ADAMTS7: variants seen among roughly 807,000 people sequenced by gnomAD.
ADAMTS7 encodes the protein A disintegrin and metalloproteinase with thrombospondin motifs 7.
Under a neutral mutation model 172.6 loss-of-function variants are expected in ADAMTS7, and 89 were observed. The observed-to-expected ratio is 0.52, with a 90% CI of 0.43 to 0.61. ADAMTS7 has a LOEUF of 0.61. Ranked by LOEUF, ADAMTS7 falls within the 20% of genes least tolerant of loss-of-function variation. The pLI is 0.00. For missense variants in ADAMTS7, 1,973 were observed against 2,355.6 expected (o/e 0.84, Z 3.36); for synonymous variants, 885 against 978.4 (o/e 0.90, Z 1.78).
intron 7 of ADAMTS7, 71 bp from the exon 8 acceptor site, chr15:78,788,445 C>T: frequency 1.3e-6 from 2 of 1,575,500 alleles, no homozygotes; most frequent in African/African-American, 2.7e-5. Context: ...CCCCTGGACA[C>T]CCACAAGGTG....
At chr15:78,773,022 G>C in intron 14 of ADAMTS7, 61 bp downstream of exon 14, 1 of 1,449,372 alleles carries the variant, frequency 6.9e-7, no homozygotes, top group South Asian at 1.2e-5. Flanking sequence ...GCCCAGGGGA[G>C]ATGGGGAAGG....
In ADAMTS7 at chr15:78,803,616, C is replaced by T. The variant is rs114189680; in HGVS notation, c.101-3069G>A. 4.4e-3 allele frequency among the ~76,000 whole-genome samples: 675 copies of T among 152,232 alleles called. 8 individuals carry two copies. The highest frequency in any genetic ancestry group is 0.016 in the African/African-American group (650 of 41,546). On this transcript the variant is annotated intron_variant, in intron 1 of 23. Transcript: ENST00000388820. ...TACAGCTGCATGCCACCACTCCCAG[C>T]GAGTTCTTGTATTTTTAGTAGAGAC...
chr15:78,761,597 C>T (rs1304205108), intron 23 of ADAMTS7, among the ~76,000 whole-genome samples: 3 of 152,180 alleles, frequency 2.0e-5, no homozygotes, highest in Non-Finnish European at 4.4e-5. Flanking sequence ...ACATGAAGGC[C>T]CTGAGAGGGA....
In ADAMTS7 at chr15:78,776,258, C is replaced by T. The variant is rs146048392; in HGVS notation, c.1636G>A (p.Ala546Thr). ...AVDGGWSGWS[A>T]WSICSRSCGM... ...CAGCTCCGTGAGCAGATGGACCAGGCGCTCCAGCCAGACCAGCCACCATCC... is the reference window on the plus strand; with the variant it reads ...CAGCTCCGTGAGCAGATGGACCAGGTGCTCCAGCCAGACCAGCCACCATCC... Residue 546 changes from alanine to threonine, a missense_variant, in exon 11 of 24, where the codon GCC becomes ACC. By Grantham distance (58) the Ala-to-Thr change is moderately conservative (BLOSUM62 0). This residue lies in a region of ADAMTS7 where 526 missense variants were observed against 662.9 expected (regional missense o/e 0.79). Transcript: ENST00000388820. 132 of 1,611,766 alleles carry T rather than the reference C, an allele frequency of 8.2e-5. No individual in the cohort carries two copies. In the African/African-American group the frequency reaches 1.5e-3, roughly 18 times the overall value.
chr15:78,780,275 A>G (rs907382626), intron 8 of ADAMTS7, among the ~76,000 whole-genome samples: 18 of 151,992 alleles, frequency 1.2e-4, no homozygotes, highest in Admixed American at 6.5e-5. Context: ...CAGTCCCACA[A>G]GAGGTCAAAG....
At chr15:78,762,027 A>G in intron 23 of ADAMTS7, 2 of 985,406 alleles carry the variant, frequency 2.0e-6, no homozygotes, top group Non-Finnish European at 1.2e-6. Context: ...GGACTCACCC[A>G]GGCCCAGTTT....
chr15:78,765,880 A>T lies in ADAMTS7; in HGVS notation c.4031T>A (p.Leu1344His). The part of the protein sequence containing the change: ...GTFLPTTLTG[L>H]GHMPEPALNP... ...CAGGGCAGGCTCAGGCATGTGCCCG[A>T]GGCCAGTCAGGGTTGTGGGGAGGAA... Residue 1344 changes from leucine (L) to histidine (H), a missense_variant, in exon 19 of 24, where the codon CTC becomes CAC. Coordinates refer to ENST00000388820, the MANE Select transcript of ADAMTS7 (RefSeq NM_014272.5). The T allele has an allele frequency of 6.4e-7, 1 of 1,571,486 alleles. No homozygotes were observed. The highest frequency in any genetic ancestry group is 8.6e-7 in the Non-Finnish European group (1 of 1,158,706).
intron 1 of ADAMTS7, among the ~76,000 whole-genome samples, chr15:78,804,856 C>T (rs1165075198): frequency 1.3e-5 from 2 of 152,206 alleles, no homozygotes; most frequent in East Asian, 3.8e-4. Flanking sequence ...CAGGCCCCAT[C>T]CCAGACTCAC....
At position 78,796,695 on chromosome 15, in the gene ADAMTS7, G is replaced by A. The variant is rs79376890; in HGVS notation, c.714C>T (p.Val238=). Reference sequence around the variant, plus strand: ...GGGTCTCCACCCACTTCTCTTTGCTGACCGACCGCTGGTGTAGACGCCTCA... The same window carrying A: ...GGGTCTCCACCCACTTCTCTTTGCTAACCGACCGCTGGTGTAGACGCCTCA... ...PRLRRLHQRS[V]SKEKWVETLV... Residue 238 remains valine, a synonymous_variant, in exon 4 of 24, where the codon GTC becomes GTT. Coordinates refer to ENST00000388820, the MANE Select transcript of ADAMTS7 (RefSeq NM_014272.5). 5,993 of 1,613,882 alleles carry A rather than the reference G, an allele frequency of 3.7e-3. 12 individuals carry two copies. The highest frequency in any genetic ancestry group is 4.8e-3 in the Non-Finnish European group (5,605 of 1,179,996).
Position 78,811,169 on chromosome 15 carries a change from G to C in ADAMTS7, c.52C>G (p.Leu18Val), listed in dbSNP as rs1412895055. 1 of 1,230,004 alleles carries C rather than the reference G, an allele frequency of 8.1e-7. No individual in the cohort carries two copies. Among genetic ancestry groups the C allele is most frequent in the African/African-American group, 1.6e-5 (1 of 64,354 alleles). The allele number at this position is 1,230,004 out of a possible 1,614,324, so 76.2% of individuals were successfully genotyped here. ...RSPAPLLRPL[L>V]LLLCALAPGA... ...GGAGCCAGAGCGCAGAGGAGCAGGA[G>C]GAGGGGGCGCAGCAAAGGCGCGGGG... Residue 18 changes from leucine (L) to valine (V), a missense_variant, in exon 1 of 24, where the codon CTC (leucine) becomes GTC (valine). Around this residue, in one of 8 missense-constraint regions of ADAMTS7, gnomAD observed 306 missense variants for 288.0 expected, o/e 1.06. Coordinates refer to ENST00000388820, the MANE Select transcript of ADAMTS7 (RefSeq NM_014272.5).
At chr15:78,762,082 G>C (rs2055053921) in intron 23 of ADAMTS7, 1 of 985,132 alleles carries the variant, frequency 1.0e-6, no homozygotes, top group African/African-American at 1.7e-5. Context: ...TGGGAAGACT[G>C]AGACCTAGAG....
At chr15:78,787,355 AAAAAC>A (rs1166077061) in intron 8 of ADAMTS7, among the ~76,000 whole-genome samples, 5 of 151,122 alleles carry the variant, frequency 3.3e-5, no homozygotes, top group Non-Finnish European at 5.9e-5. Context: ...TTGAAAAAAA[AAAAAC>A]AAAAAAACAC....
At chr15:78,807,505 G>A (rs1406799409) in intron 1 of ADAMTS7, among the ~76,000 whole-genome samples, 2 of 152,200 alleles carry the variant, frequency 1.3e-5, no homozygotes, top group South Asian at 4.1e-4. Flanking sequence ...AAAGCATTCG[G>A]ATTAGTGAGC....
rs1290088660 is a variant in ADAMTS7 at position 78,799,449 on chromosome 15, C to T, written c.456+743G>A. The stretch of plus-strand genomic sequence containing the variant: ...TAGCCAGCACCACCCTTCAGCCAGG[C>T]GAAGCCAGGAAGCTGAGACCTGCTT... On this transcript the variant is annotated intron_variant, in intron 2 of 23. Transcript: ENST00000388820. 2.3e-5 allele frequency among the ~76,000 whole-genome samples: 3 copies of T among 129,788 alleles called. 1 individual carries two copies. Among genetic ancestry groups the T allele is most frequent in the African/African-American group, 7.6e-5 (3 of 39,636 alleles). 85.1% of individuals were successfully genotyped at this position (129,788 alleles called of 152,430 possible).
chr15:78,789,602 T>G, intron 7 of ADAMTS7, 87 bp downstream of exon 7: 2 of 1,538,372 alleles, frequency 1.3e-6, no homozygotes, highest in Non-Finnish European at 1.8e-6. Flanking sequence ...CCCTGGACTT[T>G]GTGACCCACA....
At chr15:78,799,400 A>G (rs1596199374) in intron 2 of ADAMTS7, among the ~76,000 whole-genome samples, 3 of 129,642 alleles carry the variant, frequency 2.3e-5, no homozygotes, top group African/African-American at 7.6e-5. Context: ...TCAGCACCCA[A>G]TCAGGGAGCA....
Position 78,791,065 on chromosome 15 carries a change from G to A in ADAMTS7, c.903+75C>T, listed in dbSNP as rs971133344. ...TCACTGTGCCCTTCCATAAAGAGCA[G>A]CACAGGTCATGCGGCAGGAGGGCTC... On this transcript the variant is annotated intron_variant, in intron 5 of 23. Transcript: ENST00000388820. 1.6e-5 allele frequency: 24 copies of A among 1,517,520 alleles called. No individual in the cohort carries two copies. In the African/African-American group the frequency reaches 3.3e-4, roughly 21 times the overall value. The allele number at this position is 1,517,520 out of a possible 1,614,324, so 94.0% of individuals were successfully genotyped here.
rs1443742700 is a variant in ADAMTS7, at chr15:78,763,952, T to A, written c.4567A>T (p.Ser1523Cys). 3 of 1,547,260 alleles carry A rather than the reference T, an allele frequency of 1.9e-6. No homozygotes were observed. In the East Asian group the frequency reaches 7.0e-5, roughly 36 times the overall value. Reference sequence around the variant, plus strand: ...TCCCTCCAGGAAGATGTGTACCAGCTGAGGCAGGGCTGGGCCCCGCAGGGC... The same window carrying A: ...TCCCTCCAGGAAGATGTGTACCAGCAGAGGCAGGGCTGGGCCCCGCAGGGC... ...HRPCGAQPCL[S>C]WYTSSWRECS... Residue 1523 changes from serine (S) to cysteine (C), a missense_variant, in exon 21 of 24, where the codon AGC becomes TGC. By Grantham distance (112) the Ser-to-Cys change is moderately radical (BLOSUM62 -1). This residue lies in a region of ADAMTS7 where 218 missense variants were observed against 216.9 expected (regional missense o/e 1.01). Transcript: ENST00000388820.
Position 78,771,379 on chromosome 15 carries a change from C to A in ADAMTS7, c.2377-76G>T, listed in dbSNP as rs780919401. The A allele has an allele frequency of 2.5e-6, 4 of 1,603,658 alleles. No homozygotes were observed. The highest frequency in any genetic ancestry group is 2.2e-5 in the East Asian group (1 of 44,698). On this transcript the variant is annotated intron_variant, in intron 15 of 23. Coordinates refer to ENST00000388820, the MANE Select transcript of ADAMTS7 (RefSeq NM_014272.5). The surrounding 1 kb of genome is among the most constrained non-coding windows in gnomAD (Gnocchi z 4.9). The stretch of plus-strand genomic sequence containing the variant: ...CCAGTCCTAAAGGAGCTGACCCCAG[C>A]CACCTCTGTGAACTGCAGCTACAAG...
Sources: allele counts gnomAD v4.1 joint callset (sites outside exome capture counted in the v4.1 genomes callset), GRCh38; gene constraint gnomAD v4.1.1; regional missense constraint gnomAD v4.1.1; non-coding constraint Gnocchi (gnomAD v3.1); transcripts MANE v1.5; gene names NCBI Gene and HGNC (gene_info 2026-07-23, HGNC 2026-07-21).